The following HGFAC variants were observed in gnomAD, a reference collection of about 807,000 sequenced individuals.
HGFAC encodes HGF activator.
HGFAC carries 76 observed loss-of-function variants against 70.6 expected under a neutral mutation model. The observed-to-expected ratio is 1.08, with a 90% CI of 0.89 to 1.30. HGFAC has a LOEUF of 1.30. HGFAC is among the 50% of genes most tolerant of loss of function. The pLI is 0.00. For synonymous variants in HGFAC, 464 were observed against 405.3 expected, an observed-to-expected ratio of 1.14 and a Z score of -1.74; for missense variants, 1,044 against 933.7, an observed-to-expected ratio of 1.12 and a Z score of -1.54.
chr4:3,446,619 T>C (rs1336227058), intron 10 of HGFAC, among the ~76,000 whole-genome samples: 2 of 151,974 alleles, frequency 1.3e-5, no homozygotes, highest in Non-Finnish European at 2.9e-5. Context: ...GAGTCCTGGC[T>C]CTCAGTAGGG....
At chr4:3,449,149 CCT>C in intron 13 of HGFAC, 86 bp from the exon 14 acceptor site, 6 of 1,235,168 alleles carry the variant, frequency 4.9e-6, no homozygotes, top group Non-Finnish European at 6.8e-6. Flanking sequence ...ATGCCTTTGT[CCT>C]CTGTCCCCAA....
At chr4:3,443,769 G>T (rs983752002) in intron 4 of HGFAC, among the ~76,000 whole-genome samples, 1 of 152,096 alleles carries the variant, frequency 6.6e-6, no homozygotes, top group Non-Finnish European at 1.5e-5. Context: ...CATGGGAGGG[G>T]TCTGCTGCCT....
chr4:3,449,290 C>T lies in HGFAC; in HGVS notation c.1839C>T (p.Tyr613=), dbSNP rs754099232. The change falls in exon 14 of 14, where the codon TAC becomes TAT. Residue 613 remains tyrosine (Y), a synonymous_variant. Transcript: ENST00000382774. ...ACEKNGVAYL[Y]GIISWGDGCG... ...AGAAGAACGGCGTGGCTTACCTCTA[C>T]GGCATCATCAGCTGGGGTGACGGCT... 22 of 1,612,386 alleles carry T rather than the reference C, an allele frequency of 1.4e-5. No homozygotes were observed. Among genetic ancestry groups the T allele is most frequent in the Admixed American group, 1.3e-4 (8 of 59,970 alleles).
intron 10 of HGFAC, among the ~76,000 whole-genome samples, chr4:3,446,935 C>T (rs1725531019): frequency 6.6e-6 from 1 of 152,176 alleles, no homozygotes; most frequent in Admixed American, 6.5e-5. Context: ...GAACCTGCAG[C>T]CGGCGGCTCC....
chr4:3,441,218 G>A (rs939872880), upstream of HGFAC, among the ~76,000 whole-genome samples: 1 of 152,126 alleles, frequency 6.6e-6, no homozygotes, highest in African/African-American at 2.4e-5. This position sits in a 1 kb window ranked among gnomAD's most constrained non-coding sequence, Gnocchi z 6.0. Context: ...CCGCAGACTT[G>A]GCCTGTACCA....
At chr4:3,446,365 T>A in intron 10 of HGFAC, 71 bp downstream of exon 10, 1 of 1,525,420 alleles carries the variant, frequency 6.6e-7, no homozygotes, top group Non-Finnish European at 8.8e-7. Context: ...TATGCGCCTG[T>A]CCCCACCCGC....
Position 3,444,837 on chromosome 4 carries a change from T to G in HGFAC, c.860T>G (p.Phe287Cys). 6.2e-7 allele frequency: 1 copy of G among 1,600,010 alleles called. No individual in the cohort carries two copies. Among genetic ancestry groups the G allele is most frequent in the Non-Finnish European group, 8.5e-7 (1 of 1,173,456 alleles). Reference sequence around the variant, plus strand: ...CCCGCAGAGCCTGATGAGCGCTGCTTCTTGGGGAACGGCACTGGGTACCGT... The same window carrying G: ...CCCGCAGAGCCTGATGAGCGCTGCTGCTTGGGGAACGGCACTGGGTACCGT... ...LCNIEPDERCFLGNGTGYRGV... is the reference protein window; with the variant it reads ...LCNIEPDERCCLGNGTGYRGV... Residue 287 changes from phenylalanine to cysteine, a missense_variant, in exon 8 of 14, where the codon TTC becomes TGC. Coordinates refer to ENST00000382774, the MANE Select transcript of HGFAC (RefSeq NM_001528.4).
rs111269349 is a variant in HGFAC, at chr4:3,444,711, C to T, written c.819C>T (p.Phe273=). The change falls in exon 7 of 14, where the codon TTC becomes TTT. Residue 273 remains phenylalanine, a synonymous_variant. Coordinates refer to ENST00000382774, the MANE Select transcript of HGFAC (RefSeq NM_001528.4). ...GTTVCACPPG[F]AGRLCNIEPD... ...CCGTGTGTGCCTGCCCACCAGGCTT[C>T]GCTGGACGGCTCTGCAACATCGGTG... 52 of 1,595,426 alleles carry T rather than the reference C, an allele frequency of 3.3e-5. No individual in the cohort carries two copies. The highest frequency in any genetic ancestry group is 3.2e-4 in the African/African-American group (24 of 74,842).
chr4:3,444,198 G>T (rs989384328), intron 5 of HGFAC, 37 bp downstream of exon 5: 2 of 1,571,274 alleles, frequency 1.3e-6, no homozygotes, highest in African/African-American at 1.4e-5. Flanking sequence ...GGGTCCAGGG[G>T]CCGGAGCAAG....
chr4:3,443,128 G>T lies in HGFAC; in HGVS notation c.377G>T (p.Gly126Val). ...ATGCTGCATGCCTGCACTTCGGAGG[G>T]CAGTGCACACAGGAAGTGGTGGGTC... ...GRMLHACTSE[G>V]SAHRKWCATT... The change falls in exon 3 of 14, where the codon GGC becomes GTC. Residue 126 changes from glycine (G) to valine (V), a missense_variant. Physicochemically the swap from Gly to Val is moderately radical, Grantham distance 109. Coordinates refer to ENST00000382774, the MANE Select transcript of HGFAC (RefSeq NM_001528.4). 6.4e-7 allele frequency: 1 copy of T among 1,574,002 alleles called. No individual in the cohort carries two copies. The highest frequency in any genetic ancestry group is 8.6e-7 in the Non-Finnish European group (1 of 1,166,784).
At chr4:3,441,898 C>T (rs530785698), upstream of HGFAC, 456 of 618,018 alleles carry the variant, frequency 7.4e-4, 14 homozygotes, top group South Asian at 0.011. This position sits in a 1 kb window ranked among gnomAD's most constrained non-coding sequence, Gnocchi z 6.0. Flanking sequence ...GCCCGCCTGA[C>T]GTGGGAGGCA....
chr4:3,447,955 C>T lies in HGFAC; in HGVS notation c.1556C>T (p.Pro519Leu). ...RCATRSQFVQPICLPEPGSTF... is the reference protein window; with the variant it reads ...RCATRSQFVQLICLPEPGSTF... ...GCCACACGCTCGCAGTTCGTGCAGC[C>T]CATCTGCCTGCCCGAGCCCGGCAGC... is the stretch of plus-strand genomic sequence containing the variant. Residue 519 changes from proline (P) to leucine (L), a missense_variant, in exon 12 of 14, where the codon CCC becomes CTC. Transcript: ENST00000382774. 2 of 1,602,882 alleles carry T rather than the reference C, an allele frequency of 1.2e-6. No individual in the cohort carries two copies. Among genetic ancestry groups the T allele is most frequent in the Middle Eastern group, 1.7e-4 (1 of 6,000 alleles).
intron 13 of HGFAC, among the ~76,000 whole-genome samples, chr4:3,448,481 C>T (rs981543051): frequency 3.3e-5 from 5 of 152,190 alleles, no homozygotes; most frequent in Non-Finnish European, 7.3e-5. Flanking sequence ...AGGGCATCCT[C>T]CTCACACAGA....
chr4:3,444,344 T>C lies in HGFAC; in HGVS notation c.632T>C (p.Leu211Pro), dbSNP rs761338962. The change falls in exon 6 of 14, where the codon CTG becomes CCG. Residue 211 changes from leucine to proline, a missense_variant. Leu to Pro is a moderately conservative substitution (Grantham distance 98). Coordinates refer to ENST00000382774, the MANE Select transcript of HGFAC (RefSeq NM_001528.4). ...TTTGATGAGACCCGCTACGAGTACC[T>C]GGAGGGGGGCGACCGCTGGGCCCGC... ...KCFDETRYEY[L>P]EGGDRWARVR... is the part of the protein sequence containing the mutation. The C allele has an allele frequency of 1.3e-6, 2 of 1,598,420 alleles. No homozygotes were observed. The highest frequency in any genetic ancestry group is 2.3e-5 in the South Asian group (2 of 88,636).
At position 3,444,351 on chromosome 4, in the gene HGFAC, G is replaced by A. The variant is rs1287527141; in HGVS notation, c.639G>A (p.Gly213=). ...FDETRYEYLE[G]GDRWARVRQG... is the part of the protein sequence containing the mutation. Reference sequence around the variant, plus strand: ...AGACCCGCTACGAGTACCTGGAGGGGGGCGACCGCTGGGCCCGCGTGCGCC... The same window carrying A: ...AGACCCGCTACGAGTACCTGGAGGGAGGCGACCGCTGGGCCCGCGTGCGCC... The change falls in exon 6 of 14, where the codon GGG becomes GGA. Residue 213 remains glycine, a synonymous_variant. Coordinates refer to ENST00000382774, the MANE Select transcript of HGFAC (RefSeq NM_001528.4). 6.3e-7 allele frequency: 1 copy of A among 1,599,434 alleles called. No homozygotes were observed. The highest frequency in any genetic ancestry group is 1.1e-5 in the South Asian group (1 of 88,696).
intron 2 of HGFAC, 44 bp from the exon 3 acceptor site, chr4:3,443,006 G>A (rs1225611190): frequency 1.3e-6 from 2 of 1,547,536 alleles, no homozygotes; most frequent in Admixed American, 1.8e-5. Context: ...AGGGGCTCGG[G>A]TGCCCCTCGA....
chr4:3,444,576 T>C, intron 6 of HGFAC, 47 bp from the exon 7 acceptor site: 1 of 1,528,842 alleles, frequency 6.5e-7, no homozygotes. Flanking sequence ...TCCGCTGTCG[T>C]GGGGCACTGC....
intron 9 of HGFAC, 187 bp from the exon 10 acceptor site, chr4:3,445,855 G>T: frequency 6.5e-7 from 1 of 1,536,186 alleles, no homozygotes. Flanking sequence ...TCGGGATCGG[G>T]CATCAAACCC....
At chr4:3,442,602 G>A (rs772106650) in intron 1 of HGFAC, 130 bp from the exon 2 acceptor site, 1 of 586,528 alleles carries the variant, frequency 1.7e-6, no homozygotes, top group Non-Finnish European at 2.9e-6. Context: ...AATGTCGTGT[G>A]TCCTCCTGGA....
Sources: allele counts gnomAD v4.1 joint callset (sites outside exome capture counted in the v4.1 genomes callset), GRCh38; gene constraint gnomAD v4.1.1; non-coding constraint Gnocchi (gnomAD v3.1); transcripts MANE v1.5; gene names NCBI Gene and HGNC (gene_info 2026-07-23, HGNC 2026-07-21).